Variants in PCDH15 observed in about 807,000 individuals in gnomAD.
PCDH15 encodes the protein protocadherin related 15.
In PCDH15, 129 loss-of-function variants were observed where a neutral mutation model predicts 178.5. That is an observed-to-expected ratio of 0.72 (90% confidence interval 0.63 to 0.84). The LOEUF (loss-of-function observed/expected upper bound fraction) is 0.84. Ranked by LOEUF, PCDH15 falls within the 40% of genes least tolerant of loss-of-function variation. The pLI is 0.00. For missense variants in PCDH15, 2,230 were observed against 2,099.9 expected, an observed-to-expected ratio of 1.06 and a Z score of -1.21; for synonymous variants, 800 against 732.0, an observed-to-expected ratio of 1.09 and a Z score of -1.50.
At chr10:55,562,779 C>T (rs111545635) in intron 2 of PCDH15, among the ~76,000 whole-genome samples, 12 of 151,978 alleles carry the variant, frequency 7.9e-5, no homozygotes, top group African/African-American at 2.9e-4. Flanking sequence ...ACTGGATAGA[C>T]AGTGATGTCA....
chr10:55,037,093 T>C (rs1232264319), intron 2 of PCDH15, among the ~76,000 whole-genome samples: 6 of 152,142 alleles, frequency 3.9e-5, no homozygotes, highest in Non-Finnish European at 8.8e-5. Flanking sequence ...GAAGACATAA[T>C]GTTATTTTCC....
chr10:54,100,225 C>G (rs1343142424), intron 15 of PCDH15, among the ~76,000 whole-genome samples: 1 of 151,738 alleles, frequency 6.6e-6, no homozygotes, highest in African/African-American at 2.4e-5. Flanking sequence ...ATTTGCCGGG[C>G]GTAGTGGTGT....
chr10:54,194,419 A>G (rs1373545414), intron 11 of PCDH15, among the ~76,000 whole-genome samples: 1 of 152,164 alleles, frequency 6.6e-6, no homozygotes, highest in African/African-American at 2.4e-5. Context: ...AGTGGCTACT[A>G]TGTTGGACAG....
chr10:54,292,538 G>A (rs951132136), intron 8 of PCDH15, among the ~76,000 whole-genome samples: 1 of 152,190 alleles, frequency 6.6e-6, no homozygotes. Context: ...AATTGTCCCT[G>A]TTTGCAGATG....
intron 1 of PCDH15, among the ~76,000 whole-genome samples, chr10:54,732,898 A>G (rs988537086): frequency 1.3e-5 from 2 of 151,568 alleles, no homozygotes; most frequent in African/African-American, 4.8e-5. Context: ...TTGAGTCTAC[A>G]TAATTCTTAA....
In PCDH15 at chr10:54,129,429, G is replaced by A. The variant is rs191361783; in HGVS notation, c.1917+3446C>T. Among the ~76,000 whole-genome samples the A allele has an allele frequency of 1.5e-4, 23 of 152,178 alleles. No individual in the cohort carries two copies. The East Asian group carries it at 4.4e-3, about 29-fold the overall frequency. ...TATTAGAAAAACATTTCCCTAGATA[G>A]AAGCTGCTCCACTATTCTGAAGGGA... On this transcript the variant is annotated intron_variant, in intron 15 of 37. Coordinates refer to ENST00000644397, the MANE Select transcript of PCDH15 (RefSeq NM_001384140.1).
intron 2 of PCDH15, among the ~76,000 whole-genome samples, chr10:54,645,813 TAACA>T (rs921489847): frequency 1.2e-4 from 19 of 152,182 alleles, no homozygotes; most frequent in African/African-American, 4.3e-4. Context: ...TATAACATAC[TAACA>T]TATATTTATC....
intron 2 of PCDH15, among the ~76,000 whole-genome samples, chr10:55,029,243 T>A (rs948867268): frequency 6.6e-6 from 1 of 152,002 alleles, no homozygotes; most frequent in Non-Finnish European, 1.5e-5. Flanking sequence ...GAATGTTAGG[T>A]TGTTCCCTTT....
At chr10:54,242,183 T>TACACAC (rs1406356390) in intron 8 of PCDH15, among the ~76,000 whole-genome samples, 1 of 78,190 alleles carries the variant, frequency 1.3e-5, no homozygotes, top group African/African-American at 5.8e-5. Flanking sequence ...TATATATATA[T>TACACAC]ATATACACAC....
chr10:54,371,663 A>T (rs545547732), intron 4 of PCDH15, among the ~76,000 whole-genome samples: 37 of 151,984 alleles, frequency 2.4e-4, no homozygotes, highest in African/African-American at 8.4e-4. Context: ...AAAGTATCTC[A>T]TGTAACTCAT....
At chr10:54,208,726 T>C (rs974517131) in intron 10 of PCDH15, among the ~76,000 whole-genome samples, 33 of 152,048 alleles carry the variant, frequency 2.2e-4, no homozygotes, top group African/African-American at 7.7e-4. Context: ...TGTCTGTGTG[T>C]GTGTGCGTGT....
At chr10:54,300,450 G>A (rs1168508004) in intron 8 of PCDH15, among the ~76,000 whole-genome samples, 6 of 152,256 alleles carry the variant, frequency 3.9e-5, no homozygotes, top group Non-Finnish European at 7.4e-5. Context: ...AACTTCTACC[G>A]AGGATCCCTG....
chr10:53,943,952 C>G (rs1489180147), intron 23 of PCDH15, among the ~76,000 whole-genome samples: 1 of 151,954 alleles, frequency 6.6e-6, no homozygotes, highest in Non-Finnish European at 1.5e-5. Flanking sequence ...GTGGAAAGTA[C>G]CAGTTACATG....
At chr10:54,915,755 T>G (rs551700980) in intron 2 of PCDH15, among the ~76,000 whole-genome samples, 2 of 152,318 alleles carry the variant, frequency 1.3e-5, no homozygotes, top group South Asian at 4.1e-4. Context: ...GAATATTTCA[T>G]TCCCATTCTG....
chr10:54,332,348 A>AATATAATCTATATTATATATTATTAT (rs1554905624), intron 6 of PCDH15, among the ~76,000 whole-genome samples: 58 of 94,830 alleles, frequency 6.1e-4, no homozygotes, highest in African/African-American at 1.2e-3. Context: ...TATTATATAT[A>AATATAATCTATATTATATATTATTAT]ATATAATATA....
intron 21 of PCDH15, among the ~76,000 whole-genome samples, chr10:53,968,219 CAG>C (rs1015886209): frequency 2.6e-5 from 4 of 152,168 alleles, no homozygotes; most frequent in African/African-American, 9.7e-5. Flanking sequence ...ACGCCTGGCT[CAG>C]AGGGTCCCAC....
intron 1 of PCDH15, among the ~76,000 whole-genome samples, chr10:55,250,779 C>T (rs1018580658): frequency 6.6e-6 from 1 of 151,902 alleles, no homozygotes; most frequent in South Asian, 2.1e-4. Flanking sequence ...TCGTGATCCA[C>T]CCGCCTCAGC....
intron 16 of PCDH15, among the ~76,000 whole-genome samples, chr10:54,086,624 A>G (rs2094521055): frequency 6.6e-6 from 1 of 152,270 alleles, no homozygotes; most frequent in Non-Finnish European, 1.5e-5. Flanking sequence ...AGGCTACTCT[A>G]TAAATATCAA....
chr10:55,568,032 A>G (rs1842337068), intron 2 of PCDH15, among the ~76,000 whole-genome samples: 1 of 152,076 alleles, frequency 6.6e-6, no homozygotes, highest in East Asian at 1.9e-4. Context: ...AAAATTCAAC[A>G]TGAAATTACC....
Sources: allele counts gnomAD v4.1 joint callset (sites outside exome capture counted in the v4.1 genomes callset), GRCh38; gene constraint gnomAD v4.1.1; transcripts MANE v1.5; gene names NCBI Gene and HGNC (gene_info 2026-07-23, HGNC 2026-07-21).